Variants in FAM163A observed in about 807,000 individuals in gnomAD.
FAM163A encodes family with sequence similarity 163 member A.
FAM163A carries 7 observed loss-of-function variants against 12.0 expected under a neutral mutation model. That is an observed-to-expected ratio of 0.58 (90% CI 0.33 to 1.10). The LOEUF (loss-of-function observed/expected upper bound fraction) is 1.10. Ranked by LOEUF, FAM163A falls within the 50% of genes least tolerant of loss-of-function variation. The probability of loss-of-function intolerance (pLI) is 0.03; values close to 1 mark genes in which losing one functional copy is unlikely to be tolerated. For missense variants in FAM163A, 202 were observed against 218.6 expected, an observed-to-expected ratio of 0.92 and a Z score of 0.48; for synonymous variants, 101 against 91.0, an observed-to-expected ratio of 1.11 and a Z score of -0.62.
chr1:179,814,208 GCA>G lies in FAM163A; in HGVS notation c.*27_*28del. 1 of 1,584,690 alleles carries G rather than the reference GCA, an allele frequency of 6.3e-7. No homozygotes were observed. The stretch of plus-strand genomic sequence containing the variant: ...CGTGTAAATCCTTCCACCCCGACCC[GCA>G]CACACACCCACACTGCTGCCCTGGC... On this transcript the variant is annotated 3_prime_UTR_variant, in exon 5 of 5. Transcript: ENST00000341785.
chr1:179,813,888 A>G lies in FAM163A; in HGVS notation c.203A>G (p.Gln68Arg). ...RGPTCNACSS[Q>R]ALDGRGSLAP... is the part of the protein sequence containing the mutation. ...CCCACCTGCAATGCCTGCAGCTCCC[A>G]AGCCCTGGACGGCAGAGGCAGCCTG... The change falls in exon 5 of 5, where the codon CAA becomes CGA. Residue 68 changes from glutamine to arginine, a missense_variant. Physicochemically the swap from Gln to Arg is conservative, Grantham distance 43. Transcript: ENST00000341785. 1 of 1,613,918 alleles carries G rather than the reference A, an allele frequency of 6.2e-7. No individual in the cohort carries two copies. Among genetic ancestry groups the G allele is most frequent in the Non-Finnish European group, 8.5e-7 (1 of 1,180,010 alleles).
intron 1 of FAM163A, among the ~76,000 whole-genome samples, chr1:179,761,300 T>A (rs1363050577): frequency 6.6e-6 from 1 of 152,240 alleles, no homozygotes; most frequent in East Asian, 1.9e-4. Flanking sequence ...AAGTATTACT[T>A]TTATGATAAG....
chr1:179,771,626 C>T (rs908386663), intron 1 of FAM163A, among the ~76,000 whole-genome samples: 3 of 152,122 alleles, frequency 2.0e-5, no homozygotes, highest in South Asian at 4.1e-4. Flanking sequence ...TTCTAAAGCT[C>T]CTTCCTGCCC....
chr1:179,732,873 T>C, the FAM163A span, among the ~76,000 whole-genome samples: 1 of 92,946 alleles, frequency 1.1e-5, no homozygotes. Flanking sequence ...AGAGTGAGAC[T>C]CTGCCTCAAA....
chr1:179,762,692 C>A (rs1434738439), intron 1 of FAM163A, among the ~76,000 whole-genome samples: 3 of 152,202 alleles, frequency 2.0e-5, no homozygotes, highest in Non-Finnish European at 4.4e-5. Flanking sequence ...GAGGCTTCGG[C>A]TCACATCTCT....
chr1:179,795,343 A>G (rs957196943), intron 1 of FAM163A, among the ~76,000 whole-genome samples: 2 of 152,146 alleles, frequency 1.3e-5, no homozygotes, highest in African/African-American at 4.8e-5. Flanking sequence ...CCAAAAGTTC[A>G]TGTGCTGGAA....
Position 179,748,168 on chromosome 1 carries a change from C to T in FAM163A, c.-136+4745C>T, listed in dbSNP as rs909428556. Among the ~76,000 whole-genome samples the T allele has an allele frequency of 3.9e-5, 6 of 152,208 alleles. No homozygotes were observed. The East Asian group carries it at 1.2e-3, about 29-fold the overall frequency. On this transcript the variant is annotated intron_variant, in intron 1 of 4. Coordinates refer to ENST00000341785, the MANE Select transcript of FAM163A (RefSeq NM_173509.3). ...AAAACAGCCTGAGACCTGAGAGCCT[C>T]TCTCATTGCAAACCTCCTCCCTCTC...
intron 1 of FAM163A, among the ~76,000 whole-genome samples, chr1:179,757,157 A>G (rs1011887746): frequency 6.6e-6 from 1 of 152,032 alleles, no homozygotes; most frequent in African/African-American, 2.4e-5. Flanking sequence ...GATAGTTGGG[A>G]TAGTAGCTAT....
Position 179,813,951 on chromosome 1 carries a change from G to T in FAM163A, c.266G>T (p.Gly89Val). The T allele has an allele frequency of 6.2e-7, 1 of 1,613,372 alleles. No homozygotes were observed. Among genetic ancestry groups the T allele is most frequent in the Non-Finnish European group, 8.5e-7 (1 of 1,179,800 alleles). The stretch of plus-strand genomic sequence containing the variant: ...AGCGAGCCCTGCAGCCAGCCCTGTG[G>T]GGTGGCCGCGAGCCACTGCACTACC... ...LTSEPCSQPC[G>V]VAASHCTTCS... is the part of the protein sequence containing the mutation. The change falls in exon 5 of 5, where the codon GGG (glycine) becomes GTG (valine). Residue 89 changes from glycine to valine, a missense_variant. Coordinates refer to ENST00000341785, the MANE Select transcript of FAM163A (RefSeq NM_173509.3).
the FAM163A span, among the ~76,000 whole-genome samples, chr1:179,733,465 G>C: frequency 7.9e-5 from 12 of 152,114 alleles, no homozygotes; most frequent in Non-Finnish European, 1.5e-4. Context: ...CCAGGAAAGG[G>C]AGGAAATTAT....
chr1:179,764,757 T>C (rs1415809259), intron 1 of FAM163A, among the ~76,000 whole-genome samples: 2 of 152,090 alleles, frequency 1.3e-5, no homozygotes, highest in Non-Finnish European at 2.9e-5. Context: ...CATGCTAGGG[T>C]ACAAGTCCCA....
At position 179,815,031 on chromosome 1, in the gene FAM163A, A is replaced by G. The variant is rs1695176692; in HGVS notation, c.*842A>G. 1 of 151,840 alleles carries G rather than the reference A, an allele frequency of 6.6e-6. No homozygotes were observed. Among genetic ancestry groups the G allele is most frequent in the South Asian group, 2.1e-4 (1 of 4,824 alleles). 9.4% of individuals were successfully genotyped at this position (151,840 alleles called of 1,614,324 possible). A position where few individuals can be genotyped will look rare whatever the true frequency, so the allele number is the denominator to read the frequency against. On this transcript the variant is annotated 3_prime_UTR_variant, in exon 5 of 5. Transcript: ENST00000341785. ...TGACTGTCTCTCGGCCCAGCCCACC[A>G]CGCCGAGTAGCTTGTGTGGATGCAG...
chr1:179,808,184 CCT>C (rs146858553), intron 2 of FAM163A, among the ~76,000 whole-genome samples: 4,719 of 152,316 alleles, frequency 0.031, 94 homozygotes, highest in African/African-American at 0.042. Flanking sequence ...GCCCGTGGGC[CCT>C]GACTCAGGCA....
At chr1:179,786,516 C>A (rs1369184762) in intron 1 of FAM163A, among the ~76,000 whole-genome samples, 1 of 152,256 alleles carries the variant, frequency 6.6e-6, no homozygotes, top group Non-Finnish European at 1.5e-5. Context: ...CTCTGCCCAG[C>A]AGCGAAGAGG....
chr1:179,729,317 T>C, the FAM163A span, among the ~76,000 whole-genome samples: 10 of 152,228 alleles, frequency 6.6e-5, no homozygotes, highest in Admixed American at 2.6e-4. Context: ...TTCCCTCCAG[T>C]TAGGTACATA....
chr1:179,785,351 A>G (rs866257002), intron 1 of FAM163A, among the ~76,000 whole-genome samples: 63 of 152,224 alleles, frequency 4.1e-4, no homozygotes, highest in African/African-American at 1.4e-3. Context: ...TCTGAAGCAC[A>G]TTATCTCCTG....
At chr1:179,812,959 C>A in intron 3 of FAM163A, 117 bp from the exon 4 acceptor site, 1 of 916,390 alleles carries the variant, frequency 1.1e-6, no homozygotes, top group Non-Finnish European at 1.7e-6. Flanking sequence ...GCCCTCCCGG[C>A]ACCTGCTGCT....
upstream of FAM163A, among the ~76,000 whole-genome samples, chr1:179,740,048 A>T (rs1683442471): frequency 6.6e-6 from 1 of 152,236 alleles, no homozygotes; most frequent in East Asian, 1.9e-4. Context: ...ATCTAGCAAT[A>T]GTTGCCCTGG....
At chr1:179,732,260 T>C in the FAM163A span, among the ~76,000 whole-genome samples, 1 of 152,250 alleles carries the variant, frequency 6.6e-6, no homozygotes, top group South Asian at 2.1e-4. Context: ...TGACTTTTTG[T>C]TCAAGAACAG....
Sources: allele counts gnomAD v4.1 joint callset (sites outside exome capture counted in the v4.1 genomes callset), GRCh38; gene constraint gnomAD v4.1.1; transcripts MANE v1.5; gene names NCBI Gene and HGNC (gene_info 2026-07-23, HGNC 2026-07-21).